TBCK: variants seen among roughly 807,000 people sequenced by gnomAD.
TBCK encodes TBC domain-containing protein kinase-like protein.
TBCK carries 99 observed loss-of-function variants against 113.4 expected under a neutral mutation model. The ratio of observed to expected loss-of-function variants is 0.87; its 90% confidence interval spans 0.74 to 1.03. The LOEUF is 1.03. Among genes scored for constraint, TBCK ranks in the 50% least tolerant of loss-of-function variants. TBCK has a pLI of 0.00. For missense variants in TBCK, 1,045 were observed against 1,061.3 expected, an observed-to-expected ratio of 0.98 and a Z score of 0.21; for synonymous variants, 369 against 370.8, an observed-to-expected ratio of 1.00 and a Z score of 0.05.
intron 22 of TBCK, among the ~76,000 whole-genome samples, chr4:106,189,330 G>A (rs1322566783): frequency 7.0e-6 from 1 of 142,404 alleles, no homozygotes; most frequent in East Asian, 2.0e-4. Context: ...GTGACAGAGT[G>A]AGACTCCATC....
At chr4:106,184,185 G>A (rs1353567314) in intron 22 of TBCK, among the ~76,000 whole-genome samples, 3 of 151,886 alleles carry the variant, frequency 2.0e-5, no homozygotes, top group East Asian at 1.9e-4. Flanking sequence ...TAGCTGCCCC[G>A]TAATATCTTA....
At chr4:106,294,161 T>C (rs1766013087) in intron 3 of TBCK, among the ~76,000 whole-genome samples, 1 of 152,244 alleles carries the variant, frequency 6.6e-6, no homozygotes, top group Non-Finnish European at 1.5e-5. Flanking sequence ...AGTATCCTAT[T>C]TGAAGTTACA....
In TBCK at chr4:106,044,151, C is replaced by G. The variant is rs1487539617; in HGVS notation, c.*2419G>C. Reference sequence around the variant, plus strand: ...ATAGCTCTCTTCACAAGGTCTTCATCCTCTCCTACTACCTACCACCTTATT... The same window carrying G: ...ATAGCTCTCTTCACAAGGTCTTCATGCTCTCCTACTACCTACCACCTTATT... On this transcript the variant is annotated 3_prime_UTR_variant, in exon 26 of 26. Transcript: ENST00000394708. 1 of 152,150 alleles carries G rather than the reference C, an allele frequency of 6.6e-6. No homozygotes were observed. The highest frequency in any genetic ancestry group is 1.5e-5 in the Non-Finnish European group (1 of 68,026). 9.4% of individuals were successfully genotyped at this position (152,150 alleles called of 1,614,324 possible).
intron 23 of TBCK, among the ~76,000 whole-genome samples, chr4:106,159,036 A>G (rs1034234811): frequency 3.3e-5 from 5 of 150,238 alleles, no homozygotes; most frequent in Admixed American, 3.3e-4. Flanking sequence ...AATGGAGAGA[A>G]AAAAAAAAAA....
chr4:106,118,261 A>T (rs897609217), intron 23 of TBCK, among the ~76,000 whole-genome samples: 1 of 152,168 alleles, frequency 6.6e-6, no homozygotes, highest in African/African-American at 2.4e-5. Context: ...ATTTAAAAAA[A>T]TGGTTTTCAA....
chr4:106,233,520 T>A, intron 16 of TBCK, 68 bp downstream of exon 16: 1 of 1,268,380 alleles, frequency 7.9e-7, no homozygotes, highest in Admixed American at 1.8e-5. Flanking sequence ...GCTTTCTTCA[T>A]GCTCCTTCCT....
intron 20 of TBCK, among the ~76,000 whole-genome samples, chr4:106,198,306 A>T (rs115515014): frequency 0.016 from 2,378 of 152,232 alleles, 30 homozygotes; most frequent in Non-Finnish European, 0.026. Context: ...ATATGTGAAA[A>T]TGCTTTGTAA....
At chr4:106,216,063 C>T (rs977731005) in intron 19 of TBCK, among the ~76,000 whole-genome samples, 2 of 152,014 alleles carry the variant, frequency 1.3e-5, no homozygotes, top group Non-Finnish European at 2.9e-5. Context: ...TTAAGAATCT[C>T]ACTCAAAACC....
chr4:106,293,500 G>T (rs1291316285), intron 3 of TBCK, among the ~76,000 whole-genome samples: 1 of 152,106 alleles, frequency 6.6e-6, no homozygotes, highest in African/African-American at 2.4e-5. Flanking sequence ...CACAGTAAAT[G>T]TAATGCGCTT....
At chr4:106,071,296 C>T (rs895170619) in intron 25 of TBCK, among the ~76,000 whole-genome samples, 4 of 151,998 alleles carry the variant, frequency 2.6e-5, no homozygotes, top group South Asian at 2.1e-4. Flanking sequence ...TGGTATGTTG[C>T]GTCTTTGTTC....
At position 106,092,989 on chromosome 4, in the gene TBCK, T is replaced by C. The variant is rs1048450022; in HGVS notation, c.2571+2493A>G. Among the ~76,000 whole-genome samples, 11 of 152,336 alleles carry C rather than the reference T, an allele frequency of 7.2e-5. No individual in the cohort carries two copies. The East Asian group carries it at 1.5e-3, about 21-fold the overall frequency. ...CCAGCCTCCAACATTGGAGATTACA[T>C]TTCAACATGAGATTTGGAGGGGACA... On this transcript the variant is annotated intron_variant, in intron 25 of 25. Transcript: ENST00000394708.
At chr4:106,103,487 C>A (rs1390624005) in intron 24 of TBCK, among the ~76,000 whole-genome samples, 2 of 152,118 alleles carry the variant, frequency 1.3e-5, no homozygotes, top group African/African-American at 2.4e-5. Flanking sequence ...CAGATAGGCA[C>A]CTGTAAAATA....
chr4:106,243,545 TA>T (rs2150036674), intron 11 of TBCK, among the ~76,000 whole-genome samples: 1 of 152,062 alleles, frequency 6.6e-6, no homozygotes, highest in Admixed American at 6.6e-5. Flanking sequence ...AGTTAACATT[TA>T]AAAATCAGAT....
At chr4:106,302,791 G>A (rs72878538) in intron 2 of TBCK, among the ~76,000 whole-genome samples, 3,952 of 152,298 alleles carry the variant, frequency 0.026, 156 homozygotes, top group African/African-American at 0.09. Flanking sequence ...AAGGGCTGTT[G>A]AAGTATACAG....
At chr4:106,104,063 G>A (rs371247775) in intron 24 of TBCK, among the ~76,000 whole-genome samples, 17 of 152,302 alleles carry the variant, frequency 1.1e-4, no homozygotes, top group East Asian at 3.9e-4. Flanking sequence ...AGAGCTACAT[G>A]AAGTCTTGGC....
At chr4:106,285,124 C>T (rs1385212288) in intron 3 of TBCK, among the ~76,000 whole-genome samples, 2 of 152,094 alleles carry the variant, frequency 1.3e-5, no homozygotes, top group African/African-American at 4.8e-5. Context: ...ACTGGAAAGA[C>T]AGCAGCTGTC....
intron 19 of TBCK, among the ~76,000 whole-genome samples, chr4:106,228,568 C>T (rs939322170): frequency 3.3e-5 from 5 of 151,856 alleles, no homozygotes; most frequent in African/African-American, 1.2e-4. Context: ...TTGAAAATGA[C>T]GGGATCCCAT....
intron 23 of TBCK, among the ~76,000 whole-genome samples, chr4:106,121,024 C>T (rs549749018): frequency 1.3e-4 from 20 of 151,862 alleles, no homozygotes; most frequent in Non-Finnish European, 2.5e-4. Context: ...CTCTGAGCTA[C>T]GGGAGGACAT....
intron 25 of TBCK, among the ~76,000 whole-genome samples, chr4:106,087,611 C>T: frequency 6.6e-6 from 1 of 151,962 alleles, no homozygotes; most frequent in Non-Finnish European, 1.5e-5. Context: ...CAAAGAAGAC[C>T]CCATATAGGC....
Sources: gnomAD v4.1 joint callset for allele counts (sites outside exome capture counted in the v4.1 genomes callset) on GRCh38, gnomAD v4.1.1 for gene constraint, MANE v1.5 for transcripts, NCBI Gene and HGNC (gene_info 2026-07-23, HGNC 2026-07-21) for gene names.